TBC1D22A: variants seen among roughly 807,000 people sequenced by gnomAD.
TBC1D22A encodes putative GTPase activator.
TBC1D22A carries 38 observed loss-of-function variants against 60.2 expected under a neutral mutation model. The observed-to-expected ratio is 0.63, with a 90% CI of 0.49 to 0.83. The LOEUF is 0.83. Ranked by LOEUF, TBC1D22A falls within the 40% of genes least tolerant of loss-of-function variation. The pLI is 0.00. For synonymous variants in TBC1D22A, 302 were observed against 281.7 expected, an observed-to-expected ratio of 1.07 and a Z score of -0.72; for missense variants, 628 against 701.0, an observed-to-expected ratio of 0.90 and a Z score of 1.18.
At chr22:46,958,530 CT>C (rs2073332279) in intron 8 of TBC1D22A, among the ~76,000 whole-genome samples, 1 of 152,250 alleles carries the variant, frequency 6.6e-6, no homozygotes, top group Non-Finnish European at 1.5e-5. Context: ...CCAGTTCCAC[CT>C]GTTCAATGTG....
chr22:46,967,224 G>A lies in TBC1D22A; in HGVS notation c.1016-7066G>A, dbSNP rs78210244. Among the ~76,000 whole-genome samples, 1,162 of 152,302 alleles carry A rather than the reference G, an allele frequency of 7.6e-3. 13 individuals are homozygous for A. Among genetic ancestry groups the A allele is most frequent in the African/African-American group, 0.027 (1,122 of 41,558 alleles). On this transcript the variant is annotated intron_variant, in intron 8 of 12. Coordinates refer to ENST00000337137, the MANE Select transcript of TBC1D22A (RefSeq NM_014346.5). ...CGCACTAGAGCCATTTGATCATAAC[G>A]TTAGTTGTTTTTGCTGAACCAAAGA...
intron 12 of TBC1D22A, among the ~76,000 whole-genome samples, chr22:47,129,898 A>G (rs2066622819): frequency 6.6e-6 from 1 of 152,312 alleles, no homozygotes; most frequent in South Asian, 2.1e-4. Context: ...TGTCTCTCTC[A>G]ATGCTGTTCT....
intron 12 of TBC1D22A, among the ~76,000 whole-genome samples, chr22:47,155,396 G>C (rs2067673119): frequency 6.6e-6 from 1 of 152,120 alleles, no homozygotes; most frequent in South Asian, 2.1e-4. Context: ...TTTTAGCCCT[G>C]GTTTGGTCCA....
chr22:47,077,842 T>G (rs12484089), intron 11 of TBC1D22A, among the ~76,000 whole-genome samples: 42,191 of 152,096 alleles, frequency 0.28, 6,406 homozygotes, highest in East Asian at 0.57. Context: ...ATTTTTAAAA[T>G]GGGATAGGAA....
chr22:46,856,877 T>C (rs1170527007), intron 4 of TBC1D22A, among the ~76,000 whole-genome samples: 1 of 152,276 alleles, frequency 6.6e-6, no homozygotes, highest in African/African-American at 2.4e-5. Flanking sequence ...GATAATTTCC[T>C]TGGGACAGAT....
chr22:46,884,298 G>T (rs2068000506), intron 5 of TBC1D22A, among the ~76,000 whole-genome samples: 1 of 152,178 alleles, frequency 6.6e-6, no homozygotes, highest in Non-Finnish European at 1.5e-5. Flanking sequence ...TTTGAGCAGG[G>T]ACTTAGAGGA....
intron 12 of TBC1D22A, among the ~76,000 whole-genome samples, chr22:47,137,030 G>A (rs531981760): frequency 4.4e-4 from 67 of 152,238 alleles, no homozygotes; most frequent in African/African-American, 1.6e-3. Context: ...CACTCGGCGC[G>A]GGCAAAGAAG....
At chr22:47,036,724 T>C (rs535017980) in intron 10 of TBC1D22A, among the ~76,000 whole-genome samples, 1 of 152,288 alleles carries the variant, frequency 6.6e-6, no homozygotes, top group African/African-American at 2.4e-5. Context: ...TCTGTGGAGC[T>C]TCTGTGGAGC....
intron 4 of TBC1D22A, among the ~76,000 whole-genome samples, chr22:46,854,864 A>G (rs1459456199): frequency 1.3e-5 from 2 of 152,362 alleles, no homozygotes; most frequent in South Asian, 2.1e-4. Context: ...ATCCAGACAT[A>G]GGAACCTGCT....
At chr22:46,788,386 A>G (rs889278365) in intron 1 of TBC1D22A, among the ~76,000 whole-genome samples, 13 of 152,160 alleles carry the variant, frequency 8.5e-5, no homozygotes, top group South Asian at 2.1e-4. Flanking sequence ...AGCTACTACT[A>G]TTATTCTCTA....
At chr22:47,126,033 G>A (rs2066443361) in intron 12 of TBC1D22A, among the ~76,000 whole-genome samples, 2 of 152,162 alleles carry the variant, frequency 1.3e-5, no homozygotes, top group Admixed American at 1.3e-4. Context: ...CCAGGTTGGA[G>A]TGCAGTGGCA....
chr22:47,007,603 G>A (rs2061632397), intron 10 of TBC1D22A, among the ~76,000 whole-genome samples: 1 of 152,084 alleles, frequency 6.6e-6, no homozygotes, highest in African/African-American at 2.4e-5. Flanking sequence ...TTGGTTTCTG[G>A]TGAGGGCTGT....
intron 7 of TBC1D22A, among the ~76,000 whole-genome samples, chr22:46,905,297 G>A (rs367766559): frequency 6.6e-6 from 1 of 152,224 alleles, no homozygotes; most frequent in African/African-American, 2.4e-5. Context: ...ACAGCAAGCA[G>A]CAAGGAAAGG....
At chr22:47,155,285 G>A (rs956126190) in intron 12 of TBC1D22A, among the ~76,000 whole-genome samples, 5 of 152,188 alleles carry the variant, frequency 3.3e-5, no homozygotes, top group East Asian at 1.9e-4. Context: ...CTCGGAAGGC[G>A]GATGTATTGA....
intron 4 of TBC1D22A, among the ~76,000 whole-genome samples, chr22:46,841,324 T>C (rs1246902425): frequency 1.3e-5 from 2 of 152,224 alleles, no homozygotes; most frequent in African/African-American, 4.8e-5. Context: ...TTGTCCCTTT[T>C]GGCCGTTCCG....
chr22:46,953,967 A>C (rs1474608636), intron 8 of TBC1D22A, among the ~76,000 whole-genome samples: 2 of 152,256 alleles, frequency 1.3e-5, no homozygotes, highest in African/African-American at 4.8e-5. Context: ...AGGCCACTTA[A>C]CTAGGAGGTA....
intron 12 of TBC1D22A, chr22:47,116,794 C>G (rs1447020157): frequency 2.0e-5 from 3 of 152,430 alleles, no homozygotes; most frequent in Admixed American, 6.5e-5. Flanking sequence ...CAAACACACA[C>G]AGGTGTGTGC....
intron 10 of TBC1D22A, among the ~76,000 whole-genome samples, chr22:47,031,647 G>A (rs570166055): frequency 1.4e-4 from 22 of 152,324 alleles, no homozygotes; most frequent in African/African-American, 5.1e-4. Flanking sequence ...AGGGGACAGA[G>A]TGGTGGCAAT....
At chr22:46,787,156 G>A (rs13347239) in intron 1 of TBC1D22A, among the ~76,000 whole-genome samples, 2,524 of 152,172 alleles carry the variant, frequency 0.017, 79 homozygotes, top group African/African-American at 0.058. Context: ...ATTTCTGTAA[G>A]GTTGATAATA....
Sources: gnomAD v4.1 joint callset for allele counts (sites outside exome capture counted in the v4.1 genomes callset) on GRCh38, gnomAD v4.1.1 for gene constraint, MANE v1.5 for transcripts, NCBI Gene and HGNC (gene_info 2026-07-23, HGNC 2026-07-21) for gene names.